Variants in CFAP20DC observed in about 807,000 individuals in gnomAD.
CFAP20DC encodes the protein protein CFAP20DC.
Under a neutral mutation model 101.7 loss-of-function variants are expected in CFAP20DC, and 84 were observed. The observed-to-expected ratio is 0.83, with a 90% CI of 0.69 to 0.99. The LOEUF (loss-of-function observed/expected upper bound fraction) is 0.99, where lower values mean the gene tolerates loss of function less well. Among genes scored for constraint, CFAP20DC ranks in the 50% least tolerant of loss-of-function variants. The pLI, the probability that CFAP20DC is intolerant of heterozygous loss-of-function variation, is 0.00. For synonymous variants in CFAP20DC, 359 were observed against 351.2 expected, an observed-to-expected ratio of 1.02 and a Z score of -0.25; for missense variants, 1,007 against 970.3, an observed-to-expected ratio of 1.04 and a Z score of -0.50.
intron 12 of CFAP20DC, among the ~76,000 whole-genome samples, chr3:58,858,196 TG>T (rs1246549702): frequency 6.6e-6 from 1 of 152,214 alleles, no homozygotes. Flanking sequence ...TAACTTAATA[TG>T]TTTTTTTAAA....
chr3:58,946,161 G>A (rs1383338059), intron 4 of CFAP20DC, among the ~76,000 whole-genome samples: 1 of 142,046 alleles, frequency 7.0e-6, no homozygotes, highest in African/African-American at 2.6e-5. Context: ...TTGTCACCCA[G>A]GCTGGAGTGC....
chr3:58,767,993 C>T (rs2070474762), intron 15 of CFAP20DC, among the ~76,000 whole-genome samples: 1 of 152,180 alleles, frequency 6.6e-6, no homozygotes, highest in Non-Finnish European at 1.5e-5. Flanking sequence ...GTTTCTCCTA[C>T]CCTTACCCCT....
chr3:58,919,504 A>C (rs1321557188), intron 5 of CFAP20DC, among the ~76,000 whole-genome samples: 1 of 152,184 alleles, frequency 6.6e-6, no homozygotes, highest in Non-Finnish European at 1.5e-5. Flanking sequence ...CTTTCCATAT[A>C]AATTTTAGAA....
rs1253163243 is a variant in CFAP20DC, at chr3:58,732,126, A to T, written c.198-14498T>A. Among the ~76,000 whole-genome samples the T allele has an allele frequency of 2.6e-5, 4 of 152,236 alleles. No individual in the cohort carries two copies. The highest frequency in any genetic ancestry group is 7.2e-5 in the African/African-American group (3 of 41,450). The stretch of plus-strand genomic sequence containing the variant: ...AAAGATGATGAGGACAATCATCAAG[A>T]GAGTCATTTCAACTCAGTGGTAAGA... On this transcript the variant is annotated intron_variant, in intron 3 of 3. Transcript: ENST00000486145. The surrounding 1 kb of genome is among the most constrained non-coding windows in gnomAD (Gnocchi z 5.4).
rs2081283967 is a variant in CFAP20DC at position 58,882,237 on chromosome 3, CTTTTA to C, written c.715+2303_715+2307del. ...ATTGCAAAATATATATTAATATCCT[CTTTTA>C]TGAGTTGGGTTCAAATATGGCCCAT... On this transcript the variant is annotated intron_variant, in intron 7 of 16. Coordinates refer to ENST00000482387, the MANE Select transcript of CFAP20DC (RefSeq NM_001394063.1). This position sits in a 1 kb window ranked among gnomAD's most constrained non-coding sequence, Gnocchi z 4.2. 6.6e-6 allele frequency among the ~76,000 whole-genome samples: 1 copy of C among 152,072 alleles called. No homozygotes were observed. The highest frequency in any genetic ancestry group is 2.4e-5 in the African/African-American group (1 of 41,426).
At chr3:58,871,388 AAG>A (rs1382567302) in intron 7 of CFAP20DC, among the ~76,000 whole-genome samples, 1 of 152,150 alleles carries the variant, frequency 6.6e-6, no homozygotes, top group Non-Finnish European at 1.5e-5. Flanking sequence ...TTTAGAGAGA[AAG>A]AGAGCAAAAC....
chr3:58,937,759 A>T lies in CFAP20DC; in HGVS notation c.282T>A (p.Ile94=). 1 of 1,533,336 alleles carries T rather than the reference A, an allele frequency of 6.5e-7. No homozygotes were observed. The highest frequency in any genetic ancestry group is 9.0e-7 in the Non-Finnish European group (1 of 1,107,624). 95.0% of individuals were successfully genotyped at this position (1,533,336 alleles called of 1,614,324 possible). ...LGQDFSTELL[I]TDLGNIKRRL... is the part of the protein sequence containing the mutation. ...TTCTTTTGATGTTCCCTAAATCAGTAATTCTGAAAACATGGAGGAGAGAAG... is the reference window on the plus strand; with the variant it reads ...TTCTTTTGATGTTCCCTAAATCAGTTATTCTGAAAACATGGAGGAGAGAAG... The change falls in exon 5 of 17, where the codon ATT becomes ATA. Residue 94 remains isoleucine, a synonymous_variant. Coordinates refer to ENST00000482387, the MANE Select transcript of CFAP20DC (RefSeq NM_001394063.1).
chr3:58,863,224 T>C lies in CFAP20DC; in HGVS notation c.1593+334A>G. The C allele has an allele frequency of 7.6e-7, 1 of 1,315,010 alleles. No homozygotes were observed. Among genetic ancestry groups the C allele is most frequent in the Non-Finnish European group, 9.6e-7 (1 of 1,036,682 alleles). The allele number at this position is 1,315,010 out of a possible 1,614,324, so 81.5% of individuals were successfully genotyped here. On this transcript the variant is annotated intron_variant, in intron 12 of 16. Coordinates refer to ENST00000482387, the MANE Select transcript of CFAP20DC (RefSeq NM_001394063.1). This position sits in a 1 kb window ranked among gnomAD's most constrained non-coding sequence, Gnocchi z 5.9. ...ATTTCTCCAGAGATCTAGAACAGTA[T>C]ATTCTCAGTGTTTTACTGGTCTTGC...
intron 4 of CFAP20DC, among the ~76,000 whole-genome samples, chr3:59,031,091 G>C (rs1302455626): frequency 6.6e-6 from 1 of 152,106 alleles, no homozygotes; most frequent in Non-Finnish European, 1.5e-5. Context: ...CAAAGTGCTG[G>C]GATTACAGGC....
intron 3 of CFAP20DC, among the ~76,000 whole-genome samples, chr3:59,045,667 T>C (rs1467395896): frequency 6.6e-6 from 1 of 152,148 alleles, no homozygotes; most frequent in Non-Finnish European, 1.5e-5. Flanking sequence ...CTATGGGTCT[T>C]TGTTAAATCA....
At chr3:58,996,838 G>C (rs1429054671) in intron 4 of CFAP20DC, among the ~76,000 whole-genome samples, 1 of 152,220 alleles carries the variant, frequency 6.6e-6, no homozygotes, top group Non-Finnish European at 1.5e-5. Context: ...AGATGCTTTT[G>C]AGACAGCCAG....
At chr3:58,878,147 C>A (rs1429956014) in intron 7 of CFAP20DC, among the ~76,000 whole-genome samples, 1 of 152,228 alleles carries the variant, frequency 6.6e-6, no homozygotes, top group East Asian at 1.9e-4. Context: ...CCAGAAAACA[C>A]AACGAAAAGA....
At chr3:58,725,225 G>C (rs1160180589) in intron 3 of CFAP20DC, among the ~76,000 whole-genome samples, 2 of 152,198 alleles carry the variant, frequency 1.3e-5, no homozygotes, top group African/African-American at 4.8e-5. Flanking sequence ...TGTTTTGAGA[G>C]TCATTAACTT....
At chr3:59,019,770 T>C (rs541805172) in intron 4 of CFAP20DC, among the ~76,000 whole-genome samples, 13 of 152,220 alleles carry the variant, frequency 8.5e-5, no homozygotes, top group Admixed American at 7.9e-4. Flanking sequence ...CAAAATGTGG[T>C]TAAGGGATTC....
intron 4 of CFAP20DC, among the ~76,000 whole-genome samples, chr3:58,963,662 C>T (rs190977332): frequency 6.2e-4 from 94 of 152,048 alleles, no homozygotes; most frequent in African/African-American, 2.1e-3. Context: ...TTTCATTATT[C>T]ATAAAAAGTA....
intron 6 of CFAP20DC, among the ~76,000 whole-genome samples, chr3:58,893,186 G>A (rs950601219): frequency 1.3e-5 from 2 of 152,008 alleles, no homozygotes; most frequent in Admixed American, 1.3e-4. Flanking sequence ...TGGGACTACA[G>A]GTGCCTGCCA....
At chr3:58,812,432 A>T (rs1300026742) in intron 14 of CFAP20DC, among the ~76,000 whole-genome samples, 1 of 152,042 alleles carries the variant, frequency 6.6e-6, no homozygotes, top group African/African-American at 2.4e-5. Context: ...GGAAATCATC[A>T]TTCTCAGTAA....
At chr3:58,816,910 G>A (rs1157329521) in intron 14 of CFAP20DC, among the ~76,000 whole-genome samples, 1 of 152,176 alleles carries the variant, frequency 6.6e-6, no homozygotes, top group African/African-American at 2.4e-5. Context: ...TTGGAAGAGA[G>A]CAGTGGTTCT....
rs561752784 is a variant in CFAP20DC at position 58,722,262 on chromosome 3, T to C, written c.198-4634A>G. Among the ~76,000 whole-genome samples the C allele has an allele frequency of 6.6e-6, 1 of 152,148 alleles. No individual in the cohort carries two copies. The highest frequency in any genetic ancestry group is 6.5e-5 in the Admixed American group (1 of 15,272). On this transcript the variant is annotated intron_variant, in intron 3 of 3. Transcript: ENST00000486145. This position sits in a 1 kb window ranked among gnomAD's most constrained non-coding sequence, Gnocchi z 4.5. ...AAGTGTTCAGTCACCCCCACCCCTT[T>C]GAGCCTTTCCAGCTGAGGTCCCAGA...
Sources: allele counts gnomAD v4.1 joint callset (sites outside exome capture counted in the v4.1 genomes callset), GRCh38; gene constraint gnomAD v4.1.1; non-coding constraint Gnocchi (gnomAD v3.1); transcripts MANE v1.5; gene names NCBI Gene and HGNC (gene_info 2026-07-23, HGNC 2026-07-21).